PCDH9: variants seen among roughly 807,000 people sequenced by gnomAD.
PCDH9 encodes protocadherin-9.
Under a neutral mutation model 70.6 loss-of-function variants are expected in PCDH9, and 24 were observed. The ratio of observed to expected loss-of-function variants is 0.34; its 90% CI spans 0.25 to 0.48. The LOEUF (loss-of-function observed/expected upper bound fraction) is 0.48. Among genes scored for constraint, PCDH9 ranks in the 20% least tolerant of loss-of-function variants. PCDH9 has a pLI of 0.99. For missense variants in PCDH9, 1,281 were observed against 1,503.6 expected (o/e 0.85, Z 2.45); for synonymous variants, 562 against 558.5 (o/e 1.01, Z -0.09).
intron 2 of PCDH9, among the ~76,000 whole-genome samples, chr13:66,924,348 A>G (rs1728268962): frequency 6.6e-6 from 1 of 151,858 alleles, no homozygotes; most frequent in South Asian, 2.1e-4. Flanking sequence ...ATTTTAAAGT[A>G]TTCTTCCTAC....
intron 4 of PCDH9, among the ~76,000 whole-genome samples, chr13:66,402,699 C>T (rs2138299054): frequency 6.6e-6 from 1 of 152,200 alleles, no homozygotes; most frequent in Non-Finnish European, 1.5e-5. Flanking sequence ...CTGCTGCAAA[C>T]TTCGGTTTCT....
intron 3 of PCDH9, among the ~76,000 whole-genome samples, chr13:66,877,351 A>G (rs749486058): frequency 4.6e-5 from 7 of 151,216 alleles, no homozygotes; most frequent in Non-Finnish European, 5.9e-5. Flanking sequence ...TGTGACTACC[A>G]TTGGATTACT....
chr13:67,020,173 CAG>C (rs1297572588), intron 2 of PCDH9, among the ~76,000 whole-genome samples: 3 of 152,014 alleles, frequency 2.0e-5, no homozygotes, highest in East Asian at 1.9e-4. Context: ...TGCTTACAAA[CAG>C]AATCTATCTA....
At chr13:66,623,137 C>T (rs925120067) in intron 4 of PCDH9, among the ~76,000 whole-genome samples, 1 of 152,224 alleles carries the variant, frequency 6.6e-6, no homozygotes, top group Admixed American at 6.5e-5. Context: ...ACACTCACCG[C>T]GAGGGTCCGC....
At chr13:66,392,123 C>A (rs1957028976) in intron 4 of PCDH9, among the ~76,000 whole-genome samples, 1 of 151,144 alleles carries the variant, frequency 6.6e-6, no homozygotes, top group Admixed American at 6.6e-5. Context: ...CTGAAATAAG[C>A]TAGGTATCAA....
At chr13:66,678,951 A>G (rs1261121650) in intron 3 of PCDH9, among the ~76,000 whole-genome samples, 2 of 151,482 alleles carry the variant, frequency 1.3e-5, no homozygotes, top group Non-Finnish European at 3.0e-5. Flanking sequence ...GGATGTATAT[A>G]TATATACATC....
chr13:66,889,037 T>C (rs991309094), intron 3 of PCDH9, among the ~76,000 whole-genome samples: 3 of 152,242 alleles, frequency 2.0e-5, no homozygotes, highest in African/African-American at 7.2e-5. Context: ...AAATTCACTG[T>C]GCTGATTGCC....
At chr13:66,494,536 AG>A (rs1959083121) in intron 4 of PCDH9, among the ~76,000 whole-genome samples, 1 of 152,124 alleles carries the variant, frequency 6.6e-6, no homozygotes, top group Non-Finnish European at 1.5e-5. Flanking sequence ...GACTTACCTA[AG>A]TTAATTTAAA....
At chr13:66,913,303 C>G (rs2082501633) in intron 2 of PCDH9, among the ~76,000 whole-genome samples, 1 of 151,780 alleles carries the variant, frequency 6.6e-6, no homozygotes, top group Admixed American at 6.6e-5. Flanking sequence ...TTTTATAGTG[C>G]ACTAAAAGCA....
chr13:67,040,692 A>T (rs528987502), intron 2 of PCDH9, among the ~76,000 whole-genome samples: 161 of 152,272 alleles, frequency 1.1e-3, no homozygotes, highest in Middle Eastern at 3.4e-3. Flanking sequence ...GGTTAAAAAA[A>T]ATATATATTG....
At chr13:66,492,797 TAAG>T (rs1959054193) in intron 4 of PCDH9, among the ~76,000 whole-genome samples, 2 of 152,276 alleles carry the variant, frequency 1.3e-5, no homozygotes, top group Non-Finnish European at 2.9e-5. Flanking sequence ...CTTTGAATAA[TAAG>T]GTCAGGATCA....
intron 2 of PCDH9, among the ~76,000 whole-genome samples, chr13:67,063,600 C>A (rs1411153793): frequency 2.6e-5 from 4 of 151,652 alleles, no homozygotes; most frequent in African/African-American, 9.7e-5. Context: ...ACTATACTGC[C>A]GATTTGCCAA....
intron 3 of PCDH9, among the ~76,000 whole-genome samples, chr13:66,713,022 G>T (rs2078816371): frequency 6.6e-6 from 1 of 152,134 alleles, no homozygotes; most frequent in Admixed American, 6.5e-5. Flanking sequence ...GTTTGCCATT[G>T]CTTCCAGTGA....
chr13:66,719,397 C>T (rs898054814), intron 3 of PCDH9, among the ~76,000 whole-genome samples: 9 of 151,964 alleles, frequency 5.9e-5, no homozygotes, highest in African/African-American at 2.2e-4. Flanking sequence ...AGGTCTCTGC[C>T]CTCATGAGTG....
At chr13:66,355,800 G>T (rs1956373098) in intron 4 of PCDH9, among the ~76,000 whole-genome samples, 1 of 152,054 alleles carries the variant, frequency 6.6e-6, no homozygotes, top group African/African-American at 2.4e-5. Context: ...TTCAGTATTG[G>T]CTAATTCAGT....
intron 3 of PCDH9, among the ~76,000 whole-genome samples, chr13:66,638,572 A>AT (rs926398800): frequency 5.3e-5 from 8 of 152,034 alleles, no homozygotes; most frequent in Admixed American, 6.6e-5. Context: ...TTAATGAGCA[A>AT]TTTTTTTTCA....
intron 3 of PCDH9, among the ~76,000 whole-genome samples, chr13:66,661,840 T>C (rs1337485935): frequency 6.6e-6 from 1 of 152,218 alleles, no homozygotes; most frequent in Non-Finnish European, 1.5e-5. Flanking sequence ...TTTGTATTTA[T>C]AATCAAAAAG....
intron 3 of PCDH9, among the ~76,000 whole-genome samples, chr13:66,884,894 A>T (rs1043024831): frequency 1.3e-5 from 2 of 152,148 alleles, no homozygotes; most frequent in Non-Finnish European, 2.9e-5. Flanking sequence ...ATTTTAAAGC[A>T]TTTATATTCT....
intron 4 of PCDH9, among the ~76,000 whole-genome samples, chr13:66,476,032 C>T (rs563702162): frequency 4.7e-4 from 71 of 152,194 alleles, no homozygotes; most frequent in African/African-American, 1.3e-3. Flanking sequence ...TTTCAGCCTT[C>T]AGCCCTCTCC....
Sources: allele counts gnomAD v4.1 joint callset (sites outside exome capture counted in the v4.1 genomes callset), GRCh38; gene constraint gnomAD v4.1.1; transcripts MANE v1.5; gene names NCBI Gene and HGNC (gene_info 2026-07-23, HGNC 2026-07-21).